Variants in OSBPL8 observed in about 807,000 individuals in gnomAD.
The protein encoded by OSBPL8 is oxysterol-binding protein-related protein 8.
OSBPL8 carries 59 observed loss-of-function variants against 125.5 expected under a neutral mutation model. That is an observed-to-expected ratio of 0.47 (90% CI 0.38 to 0.58). The LOEUF (loss-of-function observed/expected upper bound fraction) is 0.58. OSBPL8 is among the 20% of genes least tolerant of loss of function. The pLI is 0.00. For missense variants in OSBPL8, 758 were observed against 1,047.8 expected (o/e 0.72, Z 3.82); for synonymous variants, 330 against 338.9 (o/e 0.97, Z 0.29).
At chr12:76,496,682 A>G (rs1879309963) in intron 1 of OSBPL8, among the ~76,000 whole-genome samples, 1 of 152,136 alleles carries the variant, frequency 6.6e-6, no homozygotes, top group Non-Finnish European at 1.5e-5. Context: ...CTGGGATTAC[A>G]GGAACCTGCC....
At chr12:76,460,799 G>GT (rs1299959846) in intron 2 of OSBPL8, among the ~76,000 whole-genome samples, 1 of 152,192 alleles carries the variant, frequency 6.6e-6, no homozygotes, top group African/African-American at 2.4e-5. Context: ...ACCAAATGCA[G>GT]TAACATACCA....
At chr12:76,527,693 C>G (rs1207791158) in intron 1 of OSBPL8, among the ~76,000 whole-genome samples, 1 of 152,126 alleles carries the variant, frequency 6.6e-6, no homozygotes, top group Non-Finnish European at 1.5e-5. Flanking sequence ...TTATCCATAC[C>G]AAGACAGGCC....
intron 1 of OSBPL8, among the ~76,000 whole-genome samples, chr12:76,495,564 CA>C (rs1246349362): frequency 6.6e-6 from 1 of 151,370 alleles, no homozygotes; most frequent in Non-Finnish European, 1.5e-5. Context: ...ACAAGAATAC[CA>C]AAATATTATG....
intron 14 of OSBPL8, among the ~76,000 whole-genome samples, 180 bp from the exon 15 acceptor site, chr12:76,384,530 C>A (rs1249628224): frequency 2.6e-5 from 4 of 152,176 alleles, no homozygotes; most frequent in Admixed American, 2.0e-4. Context: ...AGCCTCCTGT[C>A]TCCTAATGAG....
intron 4 of OSBPL8, among the ~76,000 whole-genome samples, chr12:76,442,783 T>C (rs893831949): frequency 1.3e-5 from 2 of 152,176 alleles, no homozygotes; most frequent in Non-Finnish European, 2.9e-5. Flanking sequence ...TGGAGGAAAA[T>C]GATTTCTAGG....
chr12:76,384,810 G>A (rs1953234872), intron 14 of OSBPL8, among the ~76,000 whole-genome samples: 1 of 152,204 alleles, frequency 6.6e-6, no homozygotes, highest in Non-Finnish European at 1.5e-5. Context: ...GCCCAGTCAA[G>A]CCTGTAGATG....
At position 76,410,616 on chromosome 12, in the gene OSBPL8, T is replaced by C; in HGVS notation, c.236A>G (p.Glu79Gly). The change falls in exon 5 of 24, where the codon GAA becomes GGA. Residue 79 changes from glutamate to glycine, a missense_variant. Physicochemically the swap from Glu to Gly is moderately conservative, Grantham distance 98. Transcript: ENST00000261183. ...TTCATCTTTATTTTGAGAAATATCT[T>C]CCTTCCCTCTTTCAAAACCTTAAAA... ...PHSQGFERGK[E>G]DISQNKDESS... 6.2e-7 allele frequency: 1 copy of C among 1,606,778 alleles called. No individual in the cohort carries two copies. The highest frequency in any genetic ancestry group is 1.1e-5 in the South Asian group (1 of 90,864).
At chr12:76,428,805 T>C (rs1870468299) in intron 4 of OSBPL8, among the ~76,000 whole-genome samples, 1 of 152,106 alleles carries the variant, frequency 6.6e-6, no homozygotes, top group Admixed American at 6.6e-5. Context: ...GTTGACACAT[T>C]AGAGCAGCTC....
chr12:76,517,448 A>T (rs923136587), intron 1 of OSBPL8, among the ~76,000 whole-genome samples: 7 of 152,190 alleles, frequency 4.6e-5, no homozygotes, highest in Non-Finnish European at 8.8e-5. Flanking sequence ...AATGTTTATT[A>T]ATGTATTCAT....
intron 1 of OSBPL8, among the ~76,000 whole-genome samples, chr12:76,558,452 GA>G (rs1460823660): frequency 6.6e-6 from 1 of 152,132 alleles, no homozygotes; most frequent in Non-Finnish European, 1.5e-5. Flanking sequence ...CTAATTTTGG[GA>G]AAAACTTAAC....
At chr12:76,375,553 T>G (rs1007708003) in intron 16 of OSBPL8, among the ~76,000 whole-genome samples, 183 bp from the exon 17 acceptor site, 2 of 152,126 alleles carry the variant, frequency 1.3e-5, no homozygotes, top group African/African-American at 4.8e-5. Context: ...AGATAACACC[T>G]GATTCACATT....
At chr12:76,539,454 G>C (rs1950584600) in intron 1 of OSBPL8, among the ~76,000 whole-genome samples, 1 of 151,840 alleles carries the variant, frequency 6.6e-6, no homozygotes, top group Non-Finnish European at 1.5e-5. Flanking sequence ...AGAAGACTAT[G>C]GACAAAGATA....
chr12:76,492,873 G>A (rs1878868473), intron 1 of OSBPL8, among the ~76,000 whole-genome samples: 1 of 151,764 alleles, frequency 6.6e-6, no homozygotes, highest in South Asian at 2.1e-4. Context: ...TGCAAAACCT[G>A]TCTGCCACAA....
chr12:76,475,362 G>A (rs1876676628), intron 2 of OSBPL8, among the ~76,000 whole-genome samples: 1 of 152,164 alleles, frequency 6.6e-6, no homozygotes, highest in Admixed American at 6.6e-5. Flanking sequence ...AGTATTTAAA[G>A]CCAGTTCTCC....
chr12:76,535,032 T>C (rs991879977), intron 1 of OSBPL8, among the ~76,000 whole-genome samples: 2 of 151,942 alleles, frequency 1.3e-5, no homozygotes, highest in African/African-American at 4.8e-5. Context: ...GCCAACATTA[T>C]AAAACTTCTA....
intron 4 of OSBPL8, among the ~76,000 whole-genome samples, chr12:76,413,725 G>A (rs996264970): frequency 6.4e-4 from 97 of 152,112 alleles, no homozygotes; most frequent in African/African-American, 2.1e-3. Context: ...ACTTTCTCAT[G>A]TTAATTGGCT....
intron 1 of OSBPL8, among the ~76,000 whole-genome samples, chr12:76,554,345 A>C (rs1042264005): frequency 6.6e-6 from 1 of 152,234 alleles, no homozygotes; most frequent in Non-Finnish European, 1.5e-5. Context: ...GTCAAGACGT[A>C]TCAAGAGGAG....
intron 4 of OSBPL8, among the ~76,000 whole-genome samples, chr12:76,415,699 A>G (rs1057288815): frequency 1.3e-5 from 2 of 152,188 alleles, no homozygotes; most frequent in Non-Finnish European, 2.9e-5. Context: ...ATATTCTCTT[A>G]CATGTTTAAT....
At chr12:76,356,903 A>G (rs1378623409) in intron 22 of OSBPL8, among the ~76,000 whole-genome samples, 175 bp from the exon 23 acceptor site, 3 of 152,238 alleles carry the variant, frequency 2.0e-5, no homozygotes, top group Non-Finnish European at 4.4e-5. Flanking sequence ...CAATACTAGA[A>G]CACTACAAAT....
Sources: gnomAD v4.1 joint callset for allele counts (sites outside exome capture counted in the v4.1 genomes callset) on GRCh38, gnomAD v4.1.1 for gene constraint, MANE v1.5 for transcripts, NCBI Gene and HGNC (gene_info 2026-07-23, HGNC 2026-07-21) for gene names.